The following PRKAR1B variants were observed in gnomAD, a reference collection of about 807,000 sequenced individuals.
PRKAR1B encodes the protein cAMP-dependent protein kinase type I-beta regulatory subunit.
Under a neutral mutation model 46.5 loss-of-function variants are expected in PRKAR1B, and 22 were observed. The ratio of observed to expected loss-of-function variants is 0.47; its 90% CI spans 0.34 to 0.68. The LOEUF (loss-of-function observed/expected upper bound fraction) is 0.68, where lower values mean the gene tolerates loss of function less well. Among genes scored for constraint, PRKAR1B ranks in the 30% least tolerant of loss-of-function variants. The pLI is 0.01. For synonymous variants in PRKAR1B, 259 were observed against 217.7 expected (o/e 1.19, Z -1.67); for missense variants, 445 against 535.6 (o/e 0.83, Z 1.67).
At chr7:638,616 G>C (rs1170713123) in intron 4 of PRKAR1B, among the ~76,000 whole-genome samples, 3 of 152,218 alleles carry the variant, frequency 2.0e-5, no homozygotes, top group African/African-American at 7.2e-5. Flanking sequence ...TGAAAGGAAT[G>C]AAATGCAGGG....
intron 9 of PRKAR1B, among the ~76,000 whole-genome samples, chr7:578,245 G>A (rs971297679): frequency 1.3e-5 from 2 of 149,752 alleles, no homozygotes; most frequent in East Asian, 1.9e-4. Flanking sequence ...GAGTTCACAC[G>A]CGAATTCCTG....
intron 4 of PRKAR1B, among the ~76,000 whole-genome samples, chr7:618,463 T>C (rs1782950147): frequency 6.6e-6 from 1 of 152,204 alleles, no homozygotes; most frequent in Non-Finnish European, 1.5e-5. Context: ...TTGTATGTTT[T>C]CTCTTAAAAC....
intron 9 of PRKAR1B, among the ~76,000 whole-genome samples, chr7:572,822 G>A (rs1308855858): frequency 6.6e-6 from 1 of 152,194 alleles, no homozygotes; most frequent in African/African-American, 2.4e-5. Context: ...GGGCATCTGC[G>A]ACCCACCAAG....
At chr7:556,983 C>T (rs1230233490) in intron 9 of PRKAR1B, among the ~76,000 whole-genome samples, 1 of 152,232 alleles carries the variant, frequency 6.6e-6, no homozygotes. Context: ...TGCCCCTTGC[C>T]CTCCCACAGC....
intron 7 of PRKAR1B, 67 bp downstream of exon 7, chr7:596,079 T>C: frequency 6.4e-7 from 1 of 1,564,886 alleles, no homozygotes; most frequent in South Asian, 1.2e-5. Context: ...TGAATAGAGC[T>C]AGGGTTCCCA....
At chr7:709,258 G>A (rs996508304) in intron 2 of PRKAR1B, among the ~76,000 whole-genome samples, 1 of 150,958 alleles carries the variant, frequency 6.6e-6, no homozygotes, top group African/African-American at 2.4e-5. Flanking sequence ...TACAAAATAC[G>A]AATTGCATCT....
chr7:610,998 C>T (rs753654327), intron 4 of PRKAR1B, among the ~76,000 whole-genome samples: 1 of 152,222 alleles, frequency 6.6e-6, no homozygotes, highest in Non-Finnish European at 1.5e-5. Flanking sequence ...ACATTCCAGC[C>T]GGCCCTTCCT....
At chr7:642,828 C>T (rs930509021) in intron 4 of PRKAR1B, among the ~76,000 whole-genome samples, 1 of 151,440 alleles carries the variant, frequency 6.6e-6, no homozygotes, top group Non-Finnish European at 1.5e-5. Flanking sequence ...TATCAGGCAG[C>T]ACACTCGGTT....
chr7:704,508 GC>G (rs2128524119), intron 2 of PRKAR1B, among the ~76,000 whole-genome samples: 1 of 152,344 alleles, frequency 6.6e-6, no homozygotes, highest in African/African-American at 2.4e-5. Context: ...GGGTGCGGTG[GC>G]TCACGCCTGT....
intron 1 of PRKAR1B, among the ~76,000 whole-genome samples, chr7:720,958 A>C (rs1781051188): frequency 6.6e-6 from 1 of 152,164 alleles, no homozygotes; most frequent in Non-Finnish European, 1.5e-5. Context: ...AATTAGTGAT[A>C]TATTAGGGCT....
chr7:705,364 A>C (rs1780272766), intron 2 of PRKAR1B, among the ~76,000 whole-genome samples: 1 of 151,952 alleles, frequency 6.6e-6, no homozygotes, highest in Non-Finnish European at 1.5e-5. Context: ...CCATATACCT[A>C]TTAGAATGGC....
rs367811016 is a variant in PRKAR1B at position 573,354 on chromosome 7, T to A, written c.891+5902A>T. ...ACCTCCCCTCCCGACCCCCACACAC[T>A]CTGTCAGTGGTCAGGGCACCCTGCG... On this transcript the variant is annotated intron_variant, in intron 9 of 10. Transcript: ENST00000537384. 1.0e-3 allele frequency among the ~76,000 whole-genome samples: 150 copies of A among 149,646 alleles called. 1 individual carries two copies. Among genetic ancestry groups the A allele is most frequent in the African/African-American group, 3.5e-3 (142 of 40,496 alleles).
intron 4 of PRKAR1B, among the ~76,000 whole-genome samples, chr7:661,007 TC>T (rs1785514989): frequency 3.1e-5 from 1 of 32,250 alleles, no homozygotes; most frequent in Non-Finnish European, 5.5e-5. Context: ...ATACCTACTC[TC>T]CCCCCCATGG....
intron 4 of PRKAR1B, among the ~76,000 whole-genome samples, chr7:662,882 G>A (rs1330094375): frequency 2.6e-5 from 4 of 152,130 alleles, no homozygotes; most frequent in Non-Finnish European, 4.4e-5. Flanking sequence ...CCCTCGGAGC[G>A]GCCACAGCAG....
chr7:600,485 C>T (rs1168272302), intron 6 of PRKAR1B, among the ~76,000 whole-genome samples: 1 of 152,070 alleles, frequency 6.6e-6, no homozygotes, highest in Non-Finnish European at 1.5e-5. Context: ...AGAGCGAGAC[C>T]CCATCTCAAA....
chr7:719,665 G>C (rs904434063), intron 1 of PRKAR1B, among the ~76,000 whole-genome samples: 1 of 152,126 alleles, frequency 6.6e-6, no homozygotes, highest in Non-Finnish European at 1.5e-5. Flanking sequence ...GTCTGGCAGT[G>C]TGTCTGGGGA....
intron 4 of PRKAR1B, among the ~76,000 whole-genome samples, chr7:649,844 G>A (rs1193540718): frequency 6.6e-6 from 1 of 151,912 alleles, no homozygotes; most frequent in African/African-American, 2.4e-5. Context: ...GGGACCACAG[G>A]CAAGCACCAC....
chr7:563,718 G>A (rs1778955704), intron 9 of PRKAR1B, among the ~76,000 whole-genome samples: 1 of 152,076 alleles, frequency 6.6e-6, no homozygotes, highest in South Asian at 2.1e-4. Context: ...ATGTGTGTGT[G>A]TGCATGGGTC....
chr7:626,199 C>G (rs1783390360), intron 4 of PRKAR1B, among the ~76,000 whole-genome samples: 1 of 152,042 alleles, frequency 6.6e-6, no homozygotes, highest in Non-Finnish European at 1.5e-5. Flanking sequence ...AAACAAAAAG[C>G]GTCAAGCCCA....
Sources: gnomAD v4.1 joint callset for allele counts (sites outside exome capture counted in the v4.1 genomes callset) on GRCh38, gnomAD v4.1.1 for gene constraint, MANE v1.5 for transcripts, NCBI Gene and HGNC (gene_info 2026-07-23, HGNC 2026-07-21) for gene names.